TCEANC2: variants seen among roughly 807,000 people sequenced by gnomAD.
TCEANC2 encodes the protein transcription elongation factor A N-terminal and central domain-containing protein 2.
A neutral mutation model predicts 22.8 loss-of-function variants in TCEANC2; 20 were observed. The observed-to-expected ratio is 0.88, with a 90% CI of 0.62 to 1.28. The LOEUF is 1.28. Ranked by LOEUF, TCEANC2 falls within the 50% of genes most tolerant of loss-of-function variation. The probability of loss-of-function intolerance (pLI) is 0.00; values close to 1 mark genes in which losing one functional copy is unlikely to be tolerated. For missense variants in TCEANC2, 251 were observed against 249.7 expected (o/e 1.01, Z -0.03); for synonymous variants, 84 against 95.5 (o/e 0.88, Z 0.70).
chr1:54,057,188 C>G (rs978414163), intron 2 of TCEANC2, among the ~76,000 whole-genome samples: 1 of 150,630 alleles, frequency 6.6e-6, no homozygotes, highest in Non-Finnish European at 1.5e-5. Flanking sequence ...AGGAACCATC[C>G]TTAACTCTTT....
At chr1:54,065,162 A>G (rs151276166) in intron 2 of TCEANC2, among the ~76,000 whole-genome samples, 170 of 152,320 alleles carry the variant, frequency 1.1e-3, no homozygotes, top group African/African-American at 3.8e-3. Context: ...AGAAAAACAG[A>G]ACTTGTCCAA....
chr1:54,060,799 G>A (rs368797955), intron 2 of TCEANC2, among the ~76,000 whole-genome samples: 9 of 152,180 alleles, frequency 5.9e-5, no homozygotes, highest in East Asian at 5.8e-4. Flanking sequence ...AATTAGCCGG[G>A]TGTGGTGGTG....
chr1:54,091,556 A>G (rs915553367), intron 4 of TCEANC2, among the ~76,000 whole-genome samples: 4 of 152,214 alleles, frequency 2.6e-5, no homozygotes, highest in Admixed American at 6.5e-5. Context: ...ATATCCTTTA[A>G]TAGTGAAAGC....
chr1:54,077,633 C>T (rs151270933), intron 3 of TCEANC2, among the ~76,000 whole-genome samples: 2 of 152,118 alleles, frequency 1.3e-5, no homozygotes, highest in East Asian at 3.9e-4. Flanking sequence ...TTATTTACTT[C>T]TTTATTTTTT....
chr1:54,090,831 G>A (rs910328832), intron 4 of TCEANC2, among the ~76,000 whole-genome samples: 1 of 152,138 alleles, frequency 6.6e-6, no homozygotes, highest in Non-Finnish European at 1.5e-5. Context: ...TAATGTGGTG[G>A]TAAATACCAA....
Position 54,079,038 on chromosome 1 carries a change from G to T in TCEANC2, c.245-9559G>T, listed in dbSNP as rs116239528. ...TATCAAGGAAACCAAAGAGCATGGG[G>T]TATCGAGTAAATAGCTGATCAGGCA... On this transcript the variant is annotated intron_variant, in intron 3 of 4. Transcript: ENST00000234827. Among the ~76,000 whole-genome samples, 858 of 152,290 alleles carry T rather than the reference G, an allele frequency of 5.6e-3. 5 individuals are homozygous for T. The highest frequency in any genetic ancestry group is 9.5e-3 in the Non-Finnish European group (644 of 68,020).
chr1:54,058,602 C>A (rs948969746), intron 2 of TCEANC2, among the ~76,000 whole-genome samples: 1 of 152,146 alleles, frequency 6.6e-6, no homozygotes, highest in Non-Finnish European at 1.5e-5. Context: ...TACCTTGTAG[C>A]CCCTGCTTTA....
chr1:54,078,281 T>C (rs1658180086), intron 3 of TCEANC2, among the ~76,000 whole-genome samples: 1 of 152,122 alleles, frequency 6.6e-6, no homozygotes, highest in Non-Finnish European at 1.5e-5. Context: ...CCTACTTCAG[T>C]TTATAAACAG....
At chr1:54,106,978 T>C (rs911429966), downstream of TCEANC2, among the ~76,000 whole-genome samples, 1 of 152,214 alleles carries the variant, frequency 6.6e-6, no homozygotes, top group African/African-American at 2.4e-5. Flanking sequence ...CTTCTTACAA[T>C]AGTGTGGTAC....
chr1:54,055,069 C>G (rs1244663566), intron 2 of TCEANC2, among the ~76,000 whole-genome samples: 1 of 152,198 alleles, frequency 6.6e-6, no homozygotes, highest in Non-Finnish European at 1.5e-5. Context: ...CCTCCACCTC[C>G]CGGCTTCATA....
intron 4 of TCEANC2, among the ~76,000 whole-genome samples, chr1:54,089,229 T>C (rs1658397235): frequency 6.6e-6 from 1 of 152,212 alleles, no homozygotes; most frequent in Non-Finnish European, 1.5e-5. Flanking sequence ...ATTTAATGGA[T>C]GTTGGTTACT....
exon 5 of TCEANC2, chr1:54,111,784 A>G (rs1272640700): frequency 6.6e-6 from 1 of 152,222 alleles, no homozygotes; most frequent in African/African-American, 2.4e-5. Context: ...GGCCACAGAC[A>G]GGCTCCAAAT....
chr1:54,096,859 A>T lies in TCEANC2; in HGVS notation c.*386A>T. The T allele has an allele frequency of 1.0e-6, 1 of 993,808 alleles. No individual in the cohort carries two copies. The highest frequency in any genetic ancestry group is 1.2e-6 in the Non-Finnish European group (1 of 835,144). The allele number at this position is 993,808 out of a possible 1,614,324, so 61.6% of individuals were successfully genotyped here. On this transcript the variant is annotated 3_prime_UTR_variant, in exon 5 of 5. Transcript: ENST00000234827. The surrounding 1 kb of genome is among the most constrained non-coding windows in gnomAD (Gnocchi z 4.9). ...CCACCCTGCAGGTAACTGAAACTCA[A>T]TTACCGCTGCCGCTCACTCGGTTCC...
chr1:54,069,402 G>T (rs185292781), intron 3 of TCEANC2, among the ~76,000 whole-genome samples: 1 of 152,232 alleles, frequency 6.6e-6, no homozygotes, highest in African/African-American at 2.4e-5. Flanking sequence ...GAGGTCAGGA[G>T]TCCAAGACCA....
At chr1:54,086,109 C>A (rs1658334769) in intron 3 of TCEANC2, among the ~76,000 whole-genome samples, 1 of 152,074 alleles carries the variant, frequency 6.6e-6, no homozygotes, top group Non-Finnish European at 1.5e-5. Flanking sequence ...TTATTCCAAT[C>A]TTCTGTTATG....
chr1:54,064,436 G>A (rs1003327407), intron 2 of TCEANC2, among the ~76,000 whole-genome samples: 1 of 152,162 alleles, frequency 6.6e-6, no homozygotes, highest in Non-Finnish European at 1.5e-5. Flanking sequence ...ATTTTCTGGG[G>A]TTTGAATAGT....
chr1:54,087,215 G>A (rs538768928), intron 3 of TCEANC2, among the ~76,000 whole-genome samples: 4 of 152,192 alleles, frequency 2.6e-5, no homozygotes, highest in African/African-American at 7.2e-5. Context: ...TAAGTGTTCA[G>A]TTGACTTCTT....
intron 3 of TCEANC2, among the ~76,000 whole-genome samples, chr1:54,078,656 G>T (rs1658186321): frequency 6.6e-6 from 1 of 152,142 alleles, no homozygotes; most frequent in African/African-American, 2.4e-5. Context: ...AAGCTCAGAT[G>T]CAAAATTTAG....
At chr1:54,055,083 T>C (rs1223915380) in intron 2 of TCEANC2, among the ~76,000 whole-genome samples, 1 of 152,166 alleles carries the variant, frequency 6.6e-6, no homozygotes. Context: ...CTTCATATGA[T>C]CCTCCTGCCT....
Sources: allele counts gnomAD v4.1 joint callset (sites outside exome capture counted in the v4.1 genomes callset), GRCh38; gene constraint gnomAD v4.1.1; non-coding constraint Gnocchi (gnomAD v3.1); transcripts MANE v1.5; gene names NCBI Gene and HGNC (gene_info 2026-07-23, HGNC 2026-07-21).